The following ATRX variants were observed in gnomAD, a reference collection of about 807,000 sequenced individuals.
ATRX encodes the protein chromatin remodeler ATRX.
A neutral mutation model predicts 172.6 loss-of-function variants in ATRX; 12 were observed. The observed-to-expected ratio is 0.07, with a 90% CI of 0.04 to 0.11. The LOEUF (loss-of-function observed/expected upper bound fraction) is 0.11, where lower values mean the gene tolerates loss of function less well. Among genes scored for constraint, ATRX ranks in the 10% least tolerant of loss-of-function variants. The pLI is 1.00. For missense variants in ATRX, 1,368 were observed against 1,767.4 expected (o/e 0.77, Z 4.05); for synonymous variants, 674 against 594.7 (o/e 1.13, Z -1.94).
intron 2 of ATRX, among the ~76,000 whole-genome samples, chrX:77,713,135 G>A (rs944856878): frequency 5.4e-5 from 6 of 111,259 alleles, no homozygotes; most frequent in Non-Finnish European, 1.1e-4. Context: ...GCAACAGAGT[G>A]AGACTCCATC....
intron 15 of ATRX, among the ~76,000 whole-genome samples, chrX:77,645,729 C>T (rs916258983): frequency 2.2e-4 from 25 of 112,079 alleles, no homozygotes; most frequent in Non-Finnish European, 3.8e-4. Context: ...AAGACAAAAG[C>T]ATAAAATACA....
At chrX:77,764,072 C>A (rs1421872750) in intron 1 of ATRX, among the ~76,000 whole-genome samples, 2 of 110,871 alleles carry the variant, frequency 1.8e-5, no homozygotes, top group Non-Finnish European at 3.8e-5. Context: ...CAAGATCATG[C>A]CACTGTACTC....
At chrX:77,579,624 G>T (rs1323908678) in intron 27 of ATRX, among the ~76,000 whole-genome samples, 1 of 112,028 alleles carries the variant, frequency 8.9e-6, no homozygotes, top group Non-Finnish European at 1.9e-5. Flanking sequence ...CACAGCTTCA[G>T]TGACTAAAAA....
chrX:77,627,777 G>GGAT (rs1262017226), intron 19 of ATRX, among the ~76,000 whole-genome samples: 1 of 109,763 alleles, frequency 9.1e-6, no homozygotes, highest in Admixed American at 9.8e-5. Flanking sequence ...TGAACTGGGA[G>GGAT]GATCACTTGA....
intron 30 of ATRX, among the ~76,000 whole-genome samples, chrX:77,530,633 C>CAAAACA (rs782342029): frequency 8.5e-5 from 9 of 106,238 alleles, no homozygotes; most frequent in Non-Finnish European, 1.4e-4. Flanking sequence ...AACAAACAAA[C>CAAAACA]AAACAAAACA....
intron 13 of ATRX, among the ~76,000 whole-genome samples, chrX:77,654,826 A>C (rs1373251850): frequency 8.9e-6 from 1 of 112,232 alleles, no homozygotes; most frequent in Non-Finnish European, 1.9e-5. Context: ...GAAAGCAAGG[A>C]CTTGAAGAGA....
intron 15 of ATRX, among the ~76,000 whole-genome samples, chrX:77,647,598 G>C (rs1569534853): frequency 1.8e-5 from 2 of 111,042 alleles, no homozygotes; most frequent in Admixed American, 1.9e-4. Context: ...AAAATTACTA[G>C]AAAAAAATAA....
At chrX:77,614,428 G>A (rs1177142626) in intron 22 of ATRX, among the ~76,000 whole-genome samples, 1 of 111,912 alleles carries the variant, frequency 8.9e-6, no homozygotes, top group Non-Finnish European at 1.9e-5. Context: ...ACGGTACCAG[G>A]TGATAATTTA....
At chrX:77,700,074 CT>C (rs781924457) in intron 2 of ATRX, among the ~76,000 whole-genome samples, 32 of 111,242 alleles carry the variant, frequency 2.9e-4, no homozygotes, top group African/African-American at 1.0e-3. Context: ...GGGAGAAAAT[CT>C]TCACAAAGTA....
At chrX:77,777,477 AT>A (rs2076400384) in intron 1 of ATRX, among the ~76,000 whole-genome samples, 1 of 111,587 alleles carries the variant, frequency 9.0e-6, no homozygotes, top group African/African-American at 3.3e-5. Flanking sequence ...CAGTATGCTG[AT>A]CCCTGACCCT....
intron 1 of ATRX, among the ~76,000 whole-genome samples, chrX:77,751,122 G>A (rs1276017255): frequency 8.9e-6 from 1 of 112,079 alleles, no homozygotes; most frequent in Non-Finnish European, 1.9e-5. Flanking sequence ...TTCCACAATG[G>A]TTGAACTAAT....
chrX:77,728,445 C>T (rs1441047846), intron 1 of ATRX, among the ~76,000 whole-genome samples: 1 of 111,873 alleles, frequency 8.9e-6, no homozygotes, highest in Non-Finnish European at 1.9e-5. Context: ...AAACACATTA[C>T]TTTGCTCTCA....
chrX:77,771,324 C>T (rs991498922), intron 1 of ATRX, among the ~76,000 whole-genome samples: 1 of 106,089 alleles, frequency 9.4e-6, no homozygotes, highest in Non-Finnish European at 1.9e-5. Context: ...TGCAGTGAGC[C>T]GAGTGAGGCA....
chrX:77,673,798 T>C (rs1557132150), intron 10 of ATRX, among the ~76,000 whole-genome samples: 1 of 110,988 alleles, frequency 9.0e-6, no homozygotes, highest in Non-Finnish European at 1.9e-5. Flanking sequence ...TATAAGTATA[T>C]ATGTTAGGGG....
At chrX:77,546,780 G>A (rs932002969) in intron 30 of ATRX, among the ~76,000 whole-genome samples, 4 of 111,749 alleles carry the variant, frequency 3.6e-5, no homozygotes, top group East Asian at 2.8e-4. Flanking sequence ...CACTGTGTCC[G>A]ACTAGGAATC....
chrX:77,673,188 T>A (rs1262722476), intron 10 of ATRX, among the ~76,000 whole-genome samples: 2 of 111,124 alleles, frequency 1.8e-5, no homozygotes, highest in Non-Finnish European at 3.8e-5. Flanking sequence ...TATAAAGGAA[T>A]TATGGTGTAT....
At chrX:77,710,781 G>C (rs190616325) in intron 2 of ATRX, among the ~76,000 whole-genome samples, 226 of 111,342 alleles carry the variant, frequency 2.0e-3, no homozygotes, top group African/African-American at 7.1e-3. Flanking sequence ...TGGTTGCCAG[G>C]TGTTAAGCAT....
chrX:77,636,189 A>T (rs1397870367), intron 15 of ATRX, 133 bp from the exon 16 acceptor site: 21 of 633,128 alleles, frequency 3.3e-5, no homozygotes, highest in African/African-American at 4.4e-5. Flanking sequence ...TATGATTTGG[A>T]TCTGTGTCCC....
At chrX:77,726,696 G>A (rs1359205909) in intron 1 of ATRX, among the ~76,000 whole-genome samples, 6 of 111,340 alleles carry the variant, frequency 5.4e-5, no homozygotes, top group Non-Finnish European at 1.1e-4. Context: ...AAAGGAGCTT[G>A]AGGCAGATGG....
Sources: gnomAD v4.1 joint callset for allele counts (sites outside exome capture counted in the v4.1 genomes callset) on GRCh38, gnomAD v4.1.1 for gene constraint, MANE v1.5 for transcripts, NCBI Gene and HGNC (gene_info 2026-07-23, HGNC 2026-07-21) for gene names.